The following KCNH5 variants were observed in gnomAD, a reference collection of about 807,000 sequenced individuals.
KCNH5 encodes the protein potassium voltage-gated channel subfamily H member 5, also known as voltage-gated delayed rectifier potassium channel KCNH5.
In KCNH5, 46 loss-of-function variants were observed where a neutral mutation model predicts 96.1. That is an observed-to-expected ratio of 0.48 (90% CI 0.38 to 0.61). The LOEUF (loss-of-function observed/expected upper bound fraction) is 0.61, where lower values mean the gene tolerates loss of function less well. Ranked by LOEUF, KCNH5 falls within the 20% of genes least tolerant of loss-of-function variation. KCNH5 has a pLI of 0.00. For synonymous variants in KCNH5, 439 were observed against 449.8 expected, an observed-to-expected ratio of 0.98 and a Z score of 0.30; for missense variants, 907 against 1,225.8, an observed-to-expected ratio of 0.74 and a Z score of 3.88.
chr14:62,946,430 C>A (rs1024336760), intron 7 of KCNH5, among the ~76,000 whole-genome samples: 16 of 152,030 alleles, frequency 1.1e-4, no homozygotes, highest in African/African-American at 3.9e-4. Flanking sequence ...CATTCCTGGG[C>A]ACTTATCCCA....
chr14:62,840,465 C>G (rs1195485456), intron 8 of KCNH5, among the ~76,000 whole-genome samples: 1 of 152,034 alleles, frequency 6.6e-6, no homozygotes, highest in Non-Finnish European at 1.5e-5. Context: ...TGGAGCAGCA[C>G]CCCAGGCAGC....
chr14:62,887,043 C>T (rs1888612092), intron 7 of KCNH5, among the ~76,000 whole-genome samples: 1 of 152,110 alleles, frequency 6.6e-6, no homozygotes, highest in African/African-American at 2.4e-5. Context: ...GCATAAAGAG[C>T]ATGTAAAGGG....
At chr14:63,016,645 G>A (rs1007786558) in intron 2 of KCNH5, among the ~76,000 whole-genome samples, 186 bp downstream of exon 2, 6 of 151,974 alleles carry the variant, frequency 3.9e-5, no homozygotes, top group Admixed American at 3.3e-4. Flanking sequence ...CTTTCTTTTG[G>A]CAAAAGTTCT....
At chr14:62,946,514 G>GT (rs111553539) in intron 7 of KCNH5, among the ~76,000 whole-genome samples, 14,506 of 146,950 alleles carry the variant, frequency 0.099, 1,596 homozygotes, top group African/African-American at 0.27. Context: ...TTTTTGTGTG[G>GT]TTTTTTTTTT....
intron 8 of KCNH5, among the ~76,000 whole-genome samples, chr14:62,833,446 C>T (rs1263793158): frequency 6.6e-6 from 1 of 151,958 alleles, no homozygotes; most frequent in Non-Finnish European, 1.5e-5. Context: ...ATTAGTTGAC[C>T]GTATGTGCAT....
intron 3 of KCNH5, among the ~76,000 whole-genome samples, chr14:63,003,727 C>G (rs1352767612): frequency 6.8e-6 from 1 of 147,576 alleles, no homozygotes; most frequent in Admixed American, 6.9e-5. Flanking sequence ...TCATGCCATT[C>G]TCCTGCCTCA....
Position 62,897,400 on chromosome 14 carries a change from T to C in KCNH5, c.1370-47548A>G, listed in dbSNP as rs145995715. 1.5e-3 allele frequency among the ~76,000 whole-genome samples: 232 copies of C among 152,316 alleles called. 5 individuals carry two copies. The highest frequency in any genetic ancestry group is 5.2e-3 in the African/African-American group (217 of 41,580). ...CAGGTATTGTAAGGCAAGAAAAGTA[T>C]TTTTATTAGTGGGAAAGAAATGTTT... On this transcript the variant is annotated intron_variant, in intron 7 of 10. Transcript: ENST00000322893.
intron 10 of KCNH5, among the ~76,000 whole-genome samples, chr14:62,720,539 C>T (rs1198542625): frequency 2.0e-5 from 3 of 152,032 alleles, no homozygotes; most frequent in Non-Finnish European, 2.9e-5. Context: ...GCTGAGATCG[C>T]GCCACTGCAC....
At chr14:62,793,523 T>C (rs1331958759) in intron 9 of KCNH5, among the ~76,000 whole-genome samples, 1 of 151,770 alleles carries the variant, frequency 6.6e-6, no homozygotes, top group Non-Finnish European at 1.5e-5. Flanking sequence ...CAGAAGCGTA[T>C]AGAGAAACAA....
At chr14:62,780,721 C>T (rs571130979) in intron 9 of KCNH5, among the ~76,000 whole-genome samples, 2 of 152,132 alleles carry the variant, frequency 1.3e-5, no homozygotes, top group South Asian at 4.2e-4. Flanking sequence ...ACTTAGTTGC[C>T]CAAATAAAAA....
At chr14:62,799,383 C>T (rs902305004) in intron 9 of KCNH5, among the ~76,000 whole-genome samples, 7 of 151,566 alleles carry the variant, frequency 4.6e-5, no homozygotes, top group South Asian at 4.2e-4. Flanking sequence ...TCGAGACCAG[C>T]CTCAACATGG....
intron 9 of KCNH5, among the ~76,000 whole-genome samples, chr14:62,800,457 ACCCAGGACTTT>A (rs1228116657): frequency 6.6e-6 from 1 of 152,162 alleles, no homozygotes; most frequent in African/African-American, 2.4e-5. Context: ...GAGGCACTGT[ACCCAGGACTTT>A]CTCCAACCTT....
At chr14:62,854,037 C>G (rs1236679480) in intron 7 of KCNH5, among the ~76,000 whole-genome samples, 1 of 145,956 alleles carries the variant, frequency 6.9e-6, no homozygotes, top group Admixed American at 6.8e-5. Context: ...ACAAAAAAAA[C>G]AACCCTCATT....
chr14:62,744,171 G>A (rs760013101), intron 10 of KCNH5, among the ~76,000 whole-genome samples: 6 of 151,994 alleles, frequency 3.9e-5, no homozygotes, highest in Admixed American at 6.6e-5. Flanking sequence ...TGAGCTCTAC[G>A]GGATGTATTA....
chr14:62,828,246 C>T (rs1392113329), intron 8 of KCNH5, among the ~76,000 whole-genome samples: 1 of 151,914 alleles, frequency 6.6e-6, no homozygotes, highest in Non-Finnish European at 1.5e-5. Context: ...TGCATTATAG[C>T]TCTTTGTGGG....
chr14:62,986,476 T>A (rs1435340373), intron 5 of KCNH5, among the ~76,000 whole-genome samples: 1 of 152,134 alleles, frequency 6.6e-6, no homozygotes, highest in East Asian at 1.9e-4. Flanking sequence ...TCTCTGACCC[T>A]TTGTACATGC....
chr14:62,915,893 GC>G (rs1411162145), intron 7 of KCNH5, among the ~76,000 whole-genome samples: 48 of 152,016 alleles, frequency 3.2e-4, no homozygotes, highest in Admixed American at 1.7e-3. Flanking sequence ...TGAGTGACTT[GC>G]CAAAGTCACC....
chr14:63,020,399 A>C (rs906225877), intron 1 of KCNH5, among the ~76,000 whole-genome samples: 1 of 152,172 alleles, frequency 6.6e-6, no homozygotes, highest in African/African-American at 2.4e-5. Flanking sequence ...AATTGGAAAC[A>C]ATGCAAATGT....
intron 7 of KCNH5, among the ~76,000 whole-genome samples, chr14:62,943,110 A>G (rs1889819995): frequency 2.6e-5 from 4 of 152,196 alleles, no homozygotes; most frequent in African/African-American, 9.6e-5. Flanking sequence ...CTTATGGCAA[A>G]GAGTTATTCA....
Sources: gnomAD v4.1 joint callset for allele counts (sites outside exome capture counted in the v4.1 genomes callset) on GRCh38, gnomAD v4.1.1 for gene constraint, MANE v1.5 for transcripts, NCBI Gene and HGNC (gene_info 2026-07-23, HGNC 2026-07-21) for gene names.